Variants in GRIA4 observed in about 807,000 individuals in gnomAD.
The protein encoded by GRIA4 is glutamate ionotropic receptor AMPA type subunit 4.
In GRIA4, 34 loss-of-function variants were observed where a neutral mutation model predicts 104.0. The ratio of observed to expected loss-of-function variants is 0.33; its 90% CI spans 0.25 to 0.44. The LOEUF (loss-of-function observed/expected upper bound fraction) is 0.44, where lower values mean the gene tolerates loss of function less well. GRIA4 is among the 20% of genes least tolerant of loss of function. The pLI is 1.00. For synonymous variants in GRIA4, 386 were observed against 381.9 expected, an observed-to-expected ratio of 1.01 and a Z score of -0.13; for missense variants, 750 against 1,096.5, an observed-to-expected ratio of 0.68 and a Z score of 4.46.
intron 4 of GRIA4, among the ~76,000 whole-genome samples, chr11:105,818,688 G>A (rs1044933355): frequency 3.3e-5 from 5 of 152,032 alleles, no homozygotes; most frequent in Admixed American, 1.3e-4. Flanking sequence ...TTCCCTTCCT[G>A]TGCACTGGAG....
intron 4 of GRIA4, among the ~76,000 whole-genome samples, chr11:105,783,025 G>A (rs1402343517): frequency 6.6e-6 from 1 of 152,162 alleles, no homozygotes; most frequent in African/African-American, 2.4e-5. Flanking sequence ...GCCCACCATA[G>A]CTGTTTAATA....
At chr11:105,964,416 A>G (rs914856544) in intron 14 of GRIA4, among the ~76,000 whole-genome samples, 11 of 152,344 alleles carry the variant, frequency 7.2e-5, no homozygotes, top group Admixed American at 7.2e-4. Flanking sequence ...CTGAAATAAT[A>G]TGAACAAATT....
At chr11:105,889,094 A>G (rs978639448) in intron 6 of GRIA4, among the ~76,000 whole-genome samples, 1 of 152,166 alleles carries the variant, frequency 6.6e-6, no homozygotes, top group African/African-American at 2.4e-5. Context: ...AAACAATAGA[A>G]TTGAGGGGAA....
chr11:105,876,844 C>T (rs951934430), intron 5 of GRIA4, among the ~76,000 whole-genome samples: 3 of 152,068 alleles, frequency 2.0e-5, no homozygotes, highest in Non-Finnish European at 2.9e-5. Context: ...TACAGCACAC[C>T]GATGGGTCTT....
intron 3 of GRIA4, among the ~76,000 whole-genome samples, chr11:105,631,331 A>G (rs997606565): frequency 6.6e-6 from 1 of 152,240 alleles, no homozygotes; most frequent in African/African-American, 2.4e-5. Flanking sequence ...TTAAGATAAC[A>G]GAAGAAAGAA....
chr11:105,844,623 G>A (rs1023882862), intron 4 of GRIA4, among the ~76,000 whole-genome samples: 5 of 152,180 alleles, frequency 3.3e-5, no homozygotes, highest in Non-Finnish European at 5.9e-5. Context: ...TAGGACTTAT[G>A]TCACTGGGAA....
At chr11:105,652,891 A>T (rs1036396749) in intron 3 of GRIA4, among the ~76,000 whole-genome samples, 5 of 152,042 alleles carry the variant, frequency 3.3e-5, no homozygotes, top group Non-Finnish European at 5.9e-5. Context: ...GAACCTCGGC[A>T]TACATTTTTT....
intron 5 of GRIA4, among the ~76,000 whole-genome samples, chr11:105,877,040 A>G (rs931755494): frequency 6.6e-6 from 1 of 152,180 alleles, no homozygotes; most frequent in African/African-American, 2.4e-5. Flanking sequence ...TGTTTTTTGC[A>G]GTGGCTGGTA....
intron 5 of GRIA4, among the ~76,000 whole-genome samples, chr11:105,867,093 GAC>G (rs1386291127): frequency 2.6e-5 from 4 of 152,026 alleles, no homozygotes; most frequent in Admixed American, 2.0e-4. Context: ...TGTCCCATCA[GAC>G]ACAGTGTGAA....
chr11:105,979,089 A>G (rs1204497265), intron 16 of GRIA4, among the ~76,000 whole-genome samples: 2 of 152,188 alleles, frequency 1.3e-5, no homozygotes, highest in African/African-American at 4.8e-5. Context: ...GTGTCTGTGG[A>G]TAGGTCTGTG....
intron 4 of GRIA4, chr11:105,842,681 T>G (rs1944436748): frequency 6.6e-6 from 1 of 152,166 alleles, no homozygotes; most frequent in Non-Finnish European, 1.5e-5. Context: ...CACACACTCT[T>G]AATCTTTTTA....
intron 14 of GRIA4, among the ~76,000 whole-genome samples, chr11:105,950,707 C>T (rs1370912776): frequency 6.6e-6 from 1 of 152,066 alleles, no homozygotes; most frequent in Non-Finnish European, 1.5e-5. Flanking sequence ...AGACCACCTG[C>T]CTTTCAAGTT....
chr11:105,737,980 C>T (rs1354418573), intron 3 of GRIA4, among the ~76,000 whole-genome samples: 5 of 152,080 alleles, frequency 3.3e-5, no homozygotes, highest in African/African-American at 9.7e-5. Context: ...TACAGAGTCT[C>T]ACACACCATG....
chr11:105,956,379 A>C (rs997758347), intron 14 of GRIA4, among the ~76,000 whole-genome samples: 13 of 152,172 alleles, frequency 8.5e-5, no homozygotes, highest in African/African-American at 3.1e-4. Context: ...TGTCCTTGCA[A>C]TAGTTTGCCC....
intron 3 of GRIA4, among the ~76,000 whole-genome samples, chr11:105,633,488 T>C (rs944708590): frequency 6.6e-6 from 1 of 152,140 alleles, no homozygotes. Context: ...TACTAAACCC[T>C]TAGTAAATAT....
intron 10 of GRIA4, among the ~76,000 whole-genome samples, chr11:105,915,121 G>A (rs946121677): frequency 8.5e-5 from 13 of 152,194 alleles, no homozygotes; most frequent in African/African-American, 3.1e-4. Flanking sequence ...AGAAACAGCA[G>A]AGCTGAGCAA....
chr11:105,736,472 G>A (rs1375002323), intron 3 of GRIA4, among the ~76,000 whole-genome samples: 1 of 151,934 alleles, frequency 6.6e-6, no homozygotes, highest in Non-Finnish European at 1.5e-5. Context: ...ATTTCCGAAA[G>A]TTATTTTCTT....
intron 13 of GRIA4, among the ~76,000 whole-genome samples, chr11:105,927,972 C>T (rs1325567837): frequency 1.3e-5 from 2 of 151,930 alleles, no homozygotes; most frequent in Non-Finnish European, 2.9e-5. Flanking sequence ...AGTAATAGCT[C>T]TTTGTTCGTG....
intron 3 of GRIA4, among the ~76,000 whole-genome samples, chr11:105,628,473 G>A (rs1186136858): frequency 6.6e-6 from 1 of 152,072 alleles, no homozygotes. Context: ...TTGAATCATG[G>A]GAGTATGATA....
Sources: allele counts gnomAD v4.1 joint callset (sites outside exome capture counted in the v4.1 genomes callset), GRCh38; gene constraint gnomAD v4.1.1; transcripts MANE v1.5; gene names NCBI Gene and HGNC (gene_info 2026-07-23, HGNC 2026-07-21).